The following GPC6 variants were observed in gnomAD, a reference collection of about 807,000 sequenced individuals.
GPC6 encodes the protein glypican 6.
GPC6 carries 14 observed loss-of-function variants against 55.2 expected under a neutral mutation model. That is an observed-to-expected ratio of 0.25 (90% CI 0.17 to 0.40). The LOEUF (loss-of-function observed/expected upper bound fraction) is 0.40. Among genes scored for constraint, GPC6 ranks in the 10% least tolerant of loss-of-function variants. GPC6 has a pLI of 1.00. For synonymous variants in GPC6, 278 were observed against 259.6 expected (o/e 1.07, Z -0.68); for missense variants, 641 against 708.5 (o/e 0.90, Z 1.08).
intron 1 of GPC6, among the ~76,000 whole-genome samples, chr13:93,489,862 T>C: frequency 6.6e-6 from 1 of 151,582 alleles, no homozygotes; most frequent in Admixed American, 6.6e-5. Context: ...TTAAGGAGAT[T>C]TTGGGCTGAG....
chr13:94,302,949 G>A (rs1875734645), intron 5 of GPC6, among the ~76,000 whole-genome samples: 1 of 152,236 alleles, frequency 6.6e-6, no homozygotes, highest in Non-Finnish European at 1.5e-5. Context: ...GAGGCACTTA[G>A]CCGTGCAGGA....
chr13:94,075,609 A>G (rs1008353008), intron 4 of GPC6, among the ~76,000 whole-genome samples: 2 of 151,954 alleles, frequency 1.3e-5, no homozygotes, highest in African/African-American at 4.8e-5. Context: ...CAACTCCCCA[A>G]TTTCTTCTTA....
intron 2 of GPC6, among the ~76,000 whole-genome samples, chr13:93,596,735 C>CAT (rs1308781370): frequency 2.1e-5 from 3 of 145,172 alleles, no homozygotes; most frequent in Non-Finnish European, 4.5e-5. Context: ...AGTGTATATG[C>CAT]ATATATATAT....
chr13:93,751,187 A>T (rs2138862744), intron 2 of GPC6, among the ~76,000 whole-genome samples: 1 of 151,212 alleles, frequency 6.6e-6, no homozygotes, highest in East Asian at 1.9e-4. Flanking sequence ...ACAAACAAAC[A>T]AAAAATGCCT....
chr13:94,020,976 T>C (rs1882670789), intron 3 of GPC6, among the ~76,000 whole-genome samples: 1 of 152,100 alleles, frequency 6.6e-6, no homozygotes, highest in Non-Finnish European at 1.5e-5. Flanking sequence ...TATAAGATTA[T>C]GAGGAAAATC....
chr13:93,848,379 A>G (rs113799657), intron 3 of GPC6, among the ~76,000 whole-genome samples: 2,096 of 151,906 alleles, frequency 0.014, 23 homozygotes, highest in Middle Eastern at 0.024. Flanking sequence ...CTTCCTCTCT[A>G]TATTTCTCCC....
At chr13:93,613,782 G>T (rs1878595219) in intron 2 of GPC6, among the ~76,000 whole-genome samples, 1 of 152,102 alleles carries the variant, frequency 6.6e-6, no homozygotes, top group African/African-American at 2.4e-5. Flanking sequence ...TCATTTCCAG[G>T]CCTCAGATCT....
chr13:94,044,897 C>T (rs1883671437), intron 4 of GPC6, among the ~76,000 whole-genome samples: 2 of 151,548 alleles, frequency 1.3e-5, no homozygotes, highest in Admixed American at 6.6e-5. Context: ...AAATTAACAC[C>T]TTTTTTTAAC....
chr13:94,137,111 A>G (rs546793593), intron 4 of GPC6, among the ~76,000 whole-genome samples: 11 of 152,330 alleles, frequency 7.2e-5, no homozygotes, highest in Non-Finnish European at 7.4e-5. Context: ...TAGTTGATCA[A>G]TTGAAAGAGA....
intron 2 of GPC6, among the ~76,000 whole-genome samples, chr13:93,659,467 C>T (rs1880827532): frequency 6.6e-6 from 1 of 151,880 alleles, no homozygotes; most frequent in South Asian, 2.1e-4. Context: ...TTAGAGTAAA[C>T]CAGGAGTATT....
intron 4 of GPC6, among the ~76,000 whole-genome samples, chr13:94,276,858 G>A (rs181076717): frequency 1.3e-5 from 2 of 152,090 alleles, no homozygotes; most frequent in African/African-American, 4.8e-5. Context: ...ATTTGGGTTG[G>A]TTCCATGTCT....
intron 1 of GPC6, among the ~76,000 whole-genome samples, chr13:93,509,257 A>G (rs1880852097): frequency 6.6e-6 from 1 of 152,248 alleles, no homozygotes; most frequent in Non-Finnish European, 1.5e-5. Context: ...TCAGGCAACA[A>G]GTCAGGTGAT....
At chr13:94,315,036 T>G (rs182950738) in intron 6 of GPC6, among the ~76,000 whole-genome samples, 3 of 152,336 alleles carry the variant, frequency 2.0e-5, no homozygotes, top group Admixed American at 2.0e-4. Flanking sequence ...ACAATAACTT[T>G]ATTACTAAGT....
chr13:93,285,616 C>CTGTGTGTGTGTGTG (rs754671051), intron 1 of GPC6, among the ~76,000 whole-genome samples: 10 of 103,588 alleles, frequency 9.7e-5, no homozygotes, highest in East Asian at 6.1e-4. Flanking sequence ...GTATATACTG[C>CTGTGTGTGTGTGTG]TGTGTGTGTG....
chr13:94,162,073 G>A (rs913706125), intron 4 of GPC6, among the ~76,000 whole-genome samples: 1 of 152,132 alleles, frequency 6.6e-6, no homozygotes, highest in Non-Finnish European at 1.5e-5. Context: ...CACAACACAT[G>A]GGAATTATGG....
chr13:93,833,717 T>G (rs1265628527), intron 3 of GPC6, among the ~76,000 whole-genome samples: 1 of 152,202 alleles, frequency 6.6e-6, no homozygotes, highest in African/African-American at 2.4e-5. Flanking sequence ...TGTTTTGACA[T>G]AATGTTCAGA....
chr13:93,822,941 G>A (rs1044594592), intron 2 of GPC6, among the ~76,000 whole-genome samples: 2 of 151,532 alleles, frequency 1.3e-5, no homozygotes, highest in Non-Finnish European at 2.9e-5. Flanking sequence ...TTGGCTGCCT[G>A]CAACCTCTGC....
intron 3 of GPC6, among the ~76,000 whole-genome samples, chr13:93,898,966 T>TACACAC (rs1555340187): frequency 4.4e-5 from 6 of 137,090 alleles, no homozygotes; most frequent in African/African-American, 1.6e-4. Flanking sequence ...TATATATATA[T>TACACAC]ACACACACAT....
chr13:93,612,174 T>C (rs1878495217), intron 2 of GPC6, among the ~76,000 whole-genome samples: 1 of 152,172 alleles, frequency 6.6e-6, no homozygotes, highest in South Asian at 2.1e-4. Flanking sequence ...TTGCTATAGT[T>C]TCCTTATTAT....
Sources: gnomAD v4.1 joint callset for allele counts (sites outside exome capture counted in the v4.1 genomes callset) on GRCh38, gnomAD v4.1.1 for gene constraint, MANE v1.5 for transcripts, NCBI Gene and HGNC (gene_info 2026-07-23, HGNC 2026-07-21) for gene names.